EYS: variants seen among roughly 807,000 people sequenced by gnomAD.
EYS encodes EGF-like photoreceptor maintenance factor.
Under a neutral mutation model 282.1 loss-of-function variants are expected in EYS, and 250 were observed. That is an observed-to-expected ratio of 0.89 (90% confidence interval 0.80 to 0.98). The LOEUF (loss-of-function observed/expected upper bound fraction) is 0.98, where lower values mean the gene tolerates loss of function less well. EYS is among the 50% of genes least tolerant of loss of function. EYS has a pLI of 0.00. For synonymous variants in EYS, 1,355 were observed against 1,282.9 expected, an observed-to-expected ratio of 1.06 and a Z score of -1.20; for missense variants, 4,016 against 3,709.0, an observed-to-expected ratio of 1.08 and a Z score of -2.15.
chr6:64,821,314 G>C (rs1485349858), intron 21 of EYS, among the ~76,000 whole-genome samples: 1 of 152,038 alleles, frequency 6.6e-6, no homozygotes, highest in African/African-American at 2.4e-5. Context: ...AGACCAGGGA[G>C]GACGAGGCAG....
intron 41 of EYS, among the ~76,000 whole-genome samples, chr6:63,738,644 G>A (rs957111871): frequency 2.0e-5 from 3 of 150,360 alleles, no homozygotes; most frequent in Non-Finnish European, 3.0e-5. Flanking sequence ...GCTAAATGAC[G>A]AGTTAATGGG....
Position 64,583,092 on chromosome 6 carries a change from C to T in EYS, c.5644+7131G>A, listed in dbSNP as rs530850479. Among the ~76,000 whole-genome samples the T allele has an allele frequency of 5.3e-5, 8 of 152,186 alleles. No individual in the cohort carries two copies. The East Asian group carries it at 7.7e-4, about 15-fold the overall frequency. On this transcript the variant is annotated intron_variant, in intron 26 of 42. Transcript: ENST00000503581. Reference sequence around the variant, plus strand: ...GTCTTCCATGCAAATACTTCCTTGGCCACAGGAAAAGGGTTCTGAGTGACT... The same window carrying T: ...GTCTTCCATGCAAATACTTCCTTGGTCACAGGAAAAGGGTTCTGAGTGACT...
intron 30 of EYS, among the ~76,000 whole-genome samples, chr6:64,237,832 A>C (rs1008723905): frequency 3.3e-5 from 5 of 152,308 alleles, no homozygotes; most frequent in Admixed American, 6.5e-5. Context: ...TAAAAAACAT[A>C]TATAATTGTC....
intron 5 of EYS, among the ~76,000 whole-genome samples, chr6:65,412,821 T>G (rs1767075965): frequency 1.3e-5 from 2 of 152,184 alleles, no homozygotes; most frequent in South Asian, 4.1e-4. Context: ...TAGTTTATTT[T>G]TATGAACACT....
chr6:65,337,800 A>T (rs1207582993), intron 10 of EYS, among the ~76,000 whole-genome samples: 2 of 150,834 alleles, frequency 1.3e-5, no homozygotes, highest in Non-Finnish European at 3.0e-5. Context: ...CCAAAACTTC[A>T]AACTACCCAT....
At chr6:65,131,441 G>A (rs918280049) in intron 12 of EYS, among the ~76,000 whole-genome samples, 8 of 151,506 alleles carry the variant, frequency 5.3e-5, no homozygotes, top group African/African-American at 1.9e-4. Context: ...TCAAAACTGT[G>A]CAATTACATG....
chr6:64,405,489 A>G (rs1773677521), intron 28 of EYS, among the ~76,000 whole-genome samples: 1 of 152,192 alleles, frequency 6.6e-6, no homozygotes, highest in Non-Finnish European at 1.5e-5. Context: ...GCAATCAAGC[A>G]AGAGAAATAA....
intron 12 of EYS, among the ~76,000 whole-genome samples, chr6:65,079,009 C>T (rs980530520): frequency 1.3e-5 from 2 of 151,594 alleles, no homozygotes; most frequent in African/African-American, 4.8e-5. Flanking sequence ...AAGCAGATGC[C>T]GGTACCATGT....
chr6:65,183,187 G>A (rs925077568), intron 12 of EYS, among the ~76,000 whole-genome samples: 6 of 151,568 alleles, frequency 4.0e-5, no homozygotes, highest in South Asian at 2.1e-4. Flanking sequence ...GTATTTTTTC[G>A]TATAGTTATT....
intron 30 of EYS, among the ~76,000 whole-genome samples, chr6:64,297,174 A>T (rs1445767492): frequency 2.0e-5 from 3 of 152,122 alleles, no homozygotes; most frequent in Non-Finnish European, 4.4e-5. Flanking sequence ...TTGATCACTG[A>T]TTACTGCTTC....
intron 12 of EYS, among the ~76,000 whole-genome samples, chr6:65,232,333 A>G (rs971848602): frequency 2.6e-5 from 4 of 152,100 alleles, no homozygotes; most frequent in Non-Finnish European, 5.9e-5. Context: ...CGCATGTGGT[A>G]CTTTCGGAGA....
At chr6:65,169,663 AT>A (rs938611999) in intron 12 of EYS, among the ~76,000 whole-genome samples, 5 of 150,838 alleles carry the variant, frequency 3.3e-5, no homozygotes, top group African/African-American at 1.2e-4. Flanking sequence ...TAAAGGCAAA[AT>A]TTTTTTTTGG....
rs184192739 is a variant in EYS, at chr6:64,416,327, A to G, written c.5927+19847T>C. ...ACTCAGATATAAAATTCTGATGCTT[A>G]AAGTAATTCTCATCCTGGTGTTATC... On this transcript the variant is annotated intron_variant, in intron 28 of 42. Transcript: ENST00000503581. Among the ~76,000 whole-genome samples, 8 of 152,312 alleles carry G rather than the reference A, an allele frequency of 5.3e-5. No homozygotes were observed. In the East Asian group the frequency reaches 1.5e-3, roughly 29 times the overall value.
At chr6:64,148,154 A>T (rs1428382720) in intron 31 of EYS, among the ~76,000 whole-genome samples, 2 of 152,156 alleles carry the variant, frequency 1.3e-5, no homozygotes, top group Non-Finnish European at 2.9e-5. Flanking sequence ...CTCAAATGAA[A>T]ATCATCTTAT....
intron 7 of EYS, among the ~76,000 whole-genome samples, chr6:65,387,985 T>G (rs1445362691): frequency 2.6e-5 from 4 of 152,022 alleles, no homozygotes; most frequent in Admixed American, 2.0e-4. Context: ...TGAAGTAAAT[T>G]AAGATTTATT....
intron 13 of EYS, among the ~76,000 whole-genome samples, chr6:65,013,586 G>T (rs1300021574): frequency 6.6e-6 from 1 of 152,124 alleles, no homozygotes; most frequent in Non-Finnish European, 1.5e-5. Flanking sequence ...CACTTTAAAT[G>T]TGGGTGAGGC....
chr6:64,046,629 T>C (rs1469126626), intron 33 of EYS, among the ~76,000 whole-genome samples: 6 of 152,050 alleles, frequency 3.9e-5, no homozygotes, highest in Admixed American at 1.3e-4. Flanking sequence ...GGTAGGGGAA[T>C]AGTATTTTCA....
At chr6:64,759,977 C>T (rs999934649) in intron 22 of EYS, among the ~76,000 whole-genome samples, 1 of 152,140 alleles carries the variant, frequency 6.6e-6, no homozygotes, top group African/African-American at 2.4e-5. Flanking sequence ...GTTTTCAGCA[C>T]AGAAATGCAC....
chr6:65,068,714 T>C (rs1400932347), intron 12 of EYS, among the ~76,000 whole-genome samples: 1 of 152,024 alleles, frequency 6.6e-6, no homozygotes, highest in East Asian at 1.9e-4. Flanking sequence ...TGTAAGTATG[T>C]AACAGATGTC....
Sources: gnomAD v4.1 joint callset for allele counts (sites outside exome capture counted in the v4.1 genomes callset) on GRCh38, gnomAD v4.1.1 for gene constraint, MANE v1.5 for transcripts, NCBI Gene and HGNC (gene_info 2026-07-23, HGNC 2026-07-21) for gene names.